The following FSTL4 variants were observed in gnomAD, a reference collection of about 807,000 sequenced individuals.
FSTL4 encodes the protein follistatin-related protein 4.
FSTL4 carries 28 observed loss-of-function variants against 78.2 expected under a neutral mutation model. The ratio of observed to expected loss-of-function variants is 0.36; its 90% CI spans 0.27 to 0.49. FSTL4 has a LOEUF of 0.49. FSTL4 is among the 20% of genes least tolerant of loss of function. The pLI, the probability that FSTL4 is intolerant of heterozygous loss-of-function variation, is 0.98. For missense variants in FSTL4, 922 were observed against 1,084.9 expected (o/e 0.85, Z 2.11); for synonymous variants, 422 against 440.5 (o/e 0.96, Z 0.53).
chr5:133,372,825 G>T (rs980509522), intron 4 of FSTL4, among the ~76,000 whole-genome samples: 1 of 152,178 alleles, frequency 6.6e-6, no homozygotes, highest in Admixed American at 6.5e-5. Context: ...GGCATATACA[G>T]GCCGGGCACT....
At chr5:133,614,842 C>T (rs564166738), upstream of FSTL4, among the ~76,000 whole-genome samples, 59 of 152,314 alleles carry the variant, frequency 3.9e-4, no homozygotes, top group African/African-American at 1.3e-3. Context: ...CCCCCAGCCC[C>T]ACTCTGTTTT....
At chr5:133,331,489 C>T (rs1320619031) in intron 4 of FSTL4, among the ~76,000 whole-genome samples, 11 of 152,110 alleles carry the variant, frequency 7.2e-5, no homozygotes, top group African/African-American at 1.4e-4. Flanking sequence ...CATTCACCTG[C>T]GGAAGGGGCT....
chr5:133,698,271 C>A, the FSTL4 span, among the ~76,000 whole-genome samples: 1 of 152,188 alleles, frequency 6.6e-6, no homozygotes, highest in Non-Finnish European at 1.5e-5. Flanking sequence ...CTGCCAGAAG[C>A]TTCCAGAGAT....
In FSTL4 at chr5:133,249,571, C is replaced by A. The variant is rs1231398674; in HGVS notation, c.733G>T (p.Val245Phe). Residue 245 changes from valine (V) to phenylalanine (F), a missense_variant, in exon 7 of 16, where the codon GTT becomes TTT. Coordinates refer to ENST00000265342, the MANE Select transcript of FSTL4 (RefSeq NM_015082.2). ...LREFYMAFQV[V>F]QLSLAPEDRV... Reference sequence around the variant, plus strand: ...TCCTCGGGGGCGAGGCTGAGCTGAACCACTTCTGCAGAGGGAAAGGAGGAG... The same window carrying A: ...TCCTCGGGGGCGAGGCTGAGCTGAAACACTTCTGCAGAGGGAAAGGAGGAG... 4 of 1,610,730 alleles carry A rather than the reference C, an allele frequency of 2.5e-6. No homozygotes were observed.
At position 133,199,089 on chromosome 5, in the gene FSTL4, G is replaced by A. The variant is rs762177525; in HGVS notation, c.*6C>T. The A allele has an allele frequency of 4.0e-6, 6 of 1,505,518 alleles. No homozygotes were observed. In the Admixed American group the frequency reaches 1.2e-4, roughly 31 times the overall value. The allele number at this position is 1,505,518 out of a possible 1,614,324, so 93.3% of individuals were successfully genotyped here. A position where few individuals can be genotyped will look rare whatever the true frequency, so the allele number is the denominator to read the frequency against. On this transcript the variant is annotated 3_prime_UTR_variant, in exon 16 of 16. Transcript: ENST00000265342. This position sits in a 1 kb window ranked among gnomAD's most constrained non-coding sequence, Gnocchi z 4.4. The stretch of plus-strand genomic sequence containing the variant: ...TTCCTTGGCCCAGGGCTCTGCTCTG[G>A]GCCCTTCATACCTCACCCACCCACA...
the FSTL4 span, among the ~76,000 whole-genome samples, chr5:133,796,441 G>A: frequency 6.6e-6 from 1 of 152,294 alleles, no homozygotes; most frequent in East Asian, 1.9e-4. Context: ...GAAAAATCAG[G>A]CCACACACAG....
intron 6 of FSTL4, among the ~76,000 whole-genome samples, chr5:133,307,783 CTTTT>C (rs61206159): frequency 7.3e-6 from 1 of 137,226 alleles, no homozygotes. Context: ...TCCCAATTTT[CTTTT>C]TTTTTTTTTT....
At chr5:133,731,717 G>A in the FSTL4 span, among the ~76,000 whole-genome samples, 16 of 152,086 alleles carry the variant, frequency 1.1e-4, no homozygotes, top group Non-Finnish European at 2.1e-4. Context: ...AGGGGCTGCC[G>A]GCCGGCAGTG....
At chr5:133,498,887 G>A (rs1024762877) in intron 3 of FSTL4, among the ~76,000 whole-genome samples, 1 of 151,934 alleles carries the variant, frequency 6.6e-6, no homozygotes, top group African/African-American at 2.4e-5. Context: ...GTCTGTTTTA[G>A]CAGAACTAGA....
At chr5:133,522,488 T>C (rs528850244) in intron 3 of FSTL4, among the ~76,000 whole-genome samples, 1 of 152,384 alleles carries the variant, frequency 6.6e-6, no homozygotes, top group South Asian at 2.1e-4. Context: ...TAATTCATCC[T>C]GTTGTTTATT....
At chr5:133,630,608 A>G in the FSTL4 span, among the ~76,000 whole-genome samples, 19 of 152,306 alleles carry the variant, frequency 1.2e-4, no homozygotes, top group African/African-American at 4.6e-4. Flanking sequence ...CCATCAAGCT[A>G]CCACTGACTT....
In FSTL4 at chr5:133,599,156, A is replaced by T. The variant is rs568075247; in HGVS notation, c.126+4702T>A. On this transcript the variant is annotated intron_variant, in intron 2 of 15. Transcript: ENST00000265342. ...AGACAATGAATACATAAGAACAGTG[A>T]AAGTGTTTTTGTAAAAATCAGTGCT... Among the ~76,000 whole-genome samples the T allele has an allele frequency of 2.0e-4, 31 of 152,312 alleles. No homozygotes were observed. In the South Asian group the frequency reaches 6.2e-3, roughly 31 times the overall value.
At chr5:133,621,821 A>AT in the FSTL4 span, among the ~76,000 whole-genome samples, 1 of 152,108 alleles carries the variant, frequency 6.6e-6, no homozygotes, top group African/African-American at 2.4e-5. Flanking sequence ...TGATTTTTTT[A>AT]TTTTTTTAAT....
chr5:133,638,816 TAC>T, the FSTL4 span, among the ~76,000 whole-genome samples: 3 of 125,978 alleles, frequency 2.4e-5, no homozygotes, highest in Non-Finnish European at 3.6e-5. Context: ...ATTTGTAAAT[TAC>T]TTTTTTTTCA....
the FSTL4 span, among the ~76,000 whole-genome samples, chr5:133,717,892 C>A: frequency 6.6e-6 from 1 of 152,120 alleles, no homozygotes; most frequent in South Asian, 2.1e-4. Context: ...TCATGCATAC[C>A]TTTTAGGGTA....
At chr5:133,834,670 A>G in the FSTL4 span, among the ~76,000 whole-genome samples, 1 of 152,176 alleles carries the variant, frequency 6.6e-6, no homozygotes, top group East Asian at 1.9e-4. Flanking sequence ...CATTTTCCAT[A>G]TTGTTATAGA....
intron 6 of FSTL4, among the ~76,000 whole-genome samples, chr5:133,292,210 G>C (rs17626344): frequency 0.36 from 54,951 of 152,060 alleles, 11,238 homozygotes; most frequent in Middle Eastern, 0.56. Context: ...CCAGAATGCA[G>C]AAAACAAGTC....
chr5:133,695,450 C>A, the FSTL4 span, among the ~76,000 whole-genome samples: 3 of 152,282 alleles, frequency 2.0e-5, no homozygotes, highest in African/African-American at 7.2e-5. Flanking sequence ...CAAGCAGAAC[C>A]TTTATTCCCC....
At chr5:133,810,713 TA>T in the FSTL4 span, among the ~76,000 whole-genome samples, 1 of 152,164 alleles carries the variant, frequency 6.6e-6, no homozygotes, top group African/African-American at 2.4e-5. Flanking sequence ...GACGTTTACA[TA>T]AAATGTGGGG....
Sources: allele counts gnomAD v4.1 joint callset (sites outside exome capture counted in the v4.1 genomes callset), GRCh38; gene constraint gnomAD v4.1.1; non-coding constraint Gnocchi (gnomAD v3.1); transcripts MANE v1.5; gene names NCBI Gene and HGNC (gene_info 2026-07-23, HGNC 2026-07-21).